Variants in OTOG observed in about 807,000 individuals in gnomAD.
OTOG encodes the protein otogelin.
OTOG carries 296 observed loss-of-function variants against 313.8 expected under a neutral mutation model. That is an observed-to-expected ratio of 0.94 (90% CI 0.86 to 1.04). The LOEUF is 1.04. Ranked by LOEUF, OTOG falls within the 50% of genes least tolerant of loss-of-function variation. The pLI is 0.00. For synonymous variants in OTOG, 1,533 were observed against 1,554.9 expected (o/e 0.99, Z 0.33); for missense variants, 3,948 against 3,840.1 (o/e 1.03, Z -0.74).
chr11:17,638,716 G>A (rs1261516397), intron 48 of OTOG, 167 bp downstream of exon 48: 2 of 1,540,056 alleles, frequency 1.3e-6, no homozygotes, highest in Non-Finnish European at 1.8e-6. Context: ...CGCACTCCAA[G>A]TGCTGAGCAT....
intron 23 of OTOG, 51 bp downstream of exon 23, chr11:17,578,577 A>G: frequency 6.7e-7 from 1 of 1,481,880 alleles, no homozygotes; most frequent in Non-Finnish European, 8.9e-7. Flanking sequence ...TGGCAGAACC[A>G]AGGGCCACAG....
At position 17,640,918 on chromosome 11, in the gene OTOG, G is replaced by T; in HGVS notation, c.8017G>T (p.Ala2673Ser). Residue 2673 changes from alanine to serine, a missense_variant, in exon 51 of 56, where the codon GCC becomes TCC. Ala to Ser is a moderately conservative substitution (Grantham distance 99). Transcript: ENST00000399397. ...CGCCCTGCATGCCCATCCAGTGAAG[G>T]CCCCGGTGTGTCTGAGCCGCGAGCT... is the stretch of plus-strand genomic sequence containing the variant. ...CGCAKYECVK[A>S]PVCLSRELGV... 1.3e-6 allele frequency: 2 copies of T among 1,548,430 alleles called. No individual in the cohort carries two copies. The highest frequency in any genetic ancestry group is 1.4e-5 in the African/African-American group (1 of 73,178).
In OTOG at chr11:17,633,670, G is replaced by T. The variant is rs1449071507; in HGVS notation, c.7073-10G>T. On this transcript the variant is annotated splice_polypyrimidine_tract_variant and intron_variant, in intron 42 of 55. Coordinates refer to ENST00000399397, the MANE Select transcript of OTOG (RefSeq NM_001292063.2). ...CTGAGGTAGGCCTGGTGCCCACTGT[G>T]CCCCTGCAGCCTTCCTGTGCTCCAG... 9 of 1,514,996 alleles carry T rather than the reference G, an allele frequency of 5.9e-6. No homozygotes were observed. The African/African-American group carries it at 1.2e-4, about 21-fold the overall frequency. The allele number at this position is 1,514,996 out of a possible 1,614,324, so 93.8% of individuals were successfully genotyped here.
At chr11:17,613,580 C>T in intron 38 of OTOG, 32 bp from the exon 39 acceptor site, 1 of 1,538,290 alleles carries the variant, frequency 6.5e-7, no homozygotes, top group Non-Finnish European at 8.8e-7. Flanking sequence ...GGACAGGGCT[C>T]CAAGTTGATG....
In OTOG at chr11:17,610,718, C is replaced by T; in HGVS notation, c.5418C>T (p.Thr1806=). The part of the protein sequence containing the change: ...SQLLSGLPPD[T]SLPLAKVGTS... ...TCCTCTCTGGCCTGCCTCCCGACAC[C>T]AGCCTGCCCCTGGCCAAGGTGGGCA... The change falls in exon 36 of 56, where the codon ACC becomes ACT. Residue 1806 remains threonine, a synonymous_variant. Transcript: ENST00000399397. 1 of 1,550,276 alleles carries T rather than the reference C, an allele frequency of 6.5e-7. No individual in the cohort carries two copies. The highest frequency in any genetic ancestry group is 8.7e-7 in the Non-Finnish European group (1 of 1,147,008).
chr11:17,602,793 C>T (rs1853286788), intron 32 of OTOG, among the ~76,000 whole-genome samples: 2 of 152,250 alleles, frequency 1.3e-5, no homozygotes, highest in South Asian at 2.1e-4. Flanking sequence ...GAGCCCTAAT[C>T]CCATGCCAAG....
chr11:17,562,045 AAAT>A (rs1475206297), intron 15 of OTOG, among the ~76,000 whole-genome samples: 47 of 120,206 alleles, frequency 3.9e-4, no homozygotes, highest in South Asian at 1.7e-3. Context: ...CCTAAAAAAA[AAAT>A]ATATATATAT....
chr11:17,588,140 A>G (rs932907222), intron 24 of OTOG, among the ~76,000 whole-genome samples: 1 of 152,224 alleles, frequency 6.6e-6, no homozygotes, highest in Admixed American at 6.5e-5. Flanking sequence ...CTGACTGGCC[A>G]TAGGGTGGAT....
chr11:17,566,967 T>C (rs1355311752), intron 15 of OTOG, among the ~76,000 whole-genome samples: 3 of 152,238 alleles, frequency 2.0e-5, no homozygotes, highest in African/African-American at 7.2e-5. Context: ...TGAAGTTCTG[T>C]GGGCTTTTGG....
At chr11:17,592,849 T>C (rs1268071337) in intron 25 of OTOG, among the ~76,000 whole-genome samples, 1 of 152,228 alleles carries the variant, frequency 6.6e-6, no homozygotes, top group Non-Finnish European at 1.5e-5. Flanking sequence ...AAATATTCAA[T>C]GCCAGCAAAT....
intron 32 of OTOG, among the ~76,000 whole-genome samples, chr11:17,603,094 G>T (rs1413167537): frequency 6.6e-6 from 1 of 152,154 alleles, no homozygotes; most frequent in Non-Finnish European, 1.5e-5. Context: ...GGAGGGGAAG[G>T]GACGTCCTGG....
In OTOG at chr11:17,597,076, C is replaced by T. The variant is rs186239361; in HGVS notation, c.3682+69C>T. The T allele has an allele frequency of 3.3e-6, 5 of 1,507,960 alleles. No homozygotes were observed. The Admixed American group carries it at 8.2e-5, about 25-fold the overall frequency. The allele number at this position is 1,507,960 out of a possible 1,614,324, so 93.4% of individuals were successfully genotyped here. A position where few individuals can be genotyped will look rare whatever the true frequency, so the allele number is the denominator to read the frequency against. On this transcript the variant is annotated intron_variant, in intron 30 of 55. Transcript: ENST00000399397. ...CACCTGTGGGCATGCCCTAGGGGTA[C>T]TGGCAGTCTGTCTAGCATTTACTGA...
rs947901984 is a variant in OTOG, at chr11:17,551,217, G to A, written c.217-783G>A. 2.6e-5 allele frequency among the ~76,000 whole-genome samples: 4 copies of A among 152,216 alleles called. No individual in the cohort carries two copies. The South Asian group carries it at 8.3e-4, about 32-fold the overall frequency. ...GGGAGGAGGAGCCAACTGTGCCCAG[G>A]ATGCCGGTTCCAGGTGACATTAGAC... On this transcript the variant is annotated intron_variant, in intron 3 of 55. Transcript: ENST00000399397.
rs949232524 is a variant in OTOG at position 17,574,710 on chromosome 11, C to A, written c.2294-10C>A. 8 of 1,547,986 alleles carry A rather than the reference C, an allele frequency of 5.2e-6. No homozygotes were observed. Among genetic ancestry groups the A allele is most frequent in the East Asian group, 2.5e-5 (1 of 40,734 alleles). ...GAGACAAAGCATGCACCACTCCCCC[C>A]TCACTGCAGCACTGTCCTGTGAGGC... On this transcript the variant is annotated splice_polypyrimidine_tract_variant and intron_variant, in intron 19 of 55. Coordinates refer to ENST00000399397, the MANE Select transcript of OTOG (RefSeq NM_001292063.2).
At chr11:17,590,877 C>T (rs1173913242) in intron 24 of OTOG, among the ~76,000 whole-genome samples, 2 of 152,222 alleles carry the variant, frequency 1.3e-5, no homozygotes, top group Non-Finnish European at 2.9e-5. Flanking sequence ...TATGTCTCTA[C>T]TCACACATGC....
intron 25 of OTOG, among the ~76,000 whole-genome samples, chr11:17,591,896 T>A (rs1473133832): frequency 6.6e-6 from 1 of 152,252 alleles, no homozygotes; most frequent in South Asian, 2.1e-4. Context: ...TAGGGGCATA[T>A]TGAGCCATAT....
At position 17,635,143 on chromosome 11, in the gene OTOG, T is replaced by C. The variant is rs1232015927; in HGVS notation, c.7649T>C (p.Ile2550Thr). ...VPSCRQDQIL[I>T]TGRLGDSCCT... ...AGCTGCCGACAGGACCAGATCCTGA[T>C]CACGGGCCGCCTGGGGGACTCCTGC... Residue 2550 changes from isoleucine to threonine, a missense_variant, in exon 46 of 56, where the codon ATC becomes ACC. Transcript: ENST00000399397. The C allele has an allele frequency of 6.5e-7, 1 of 1,548,760 alleles. No individual in the cohort carries two copies. Among genetic ancestry groups the C allele is most frequent in the Non-Finnish European group, 8.7e-7 (1 of 1,146,732 alleles).
intron 22 of OTOG, among the ~76,000 whole-genome samples, chr11:17,577,309 A>G (rs16934410): frequency 0.47 from 71,329 of 151,990 alleles, 17,563 homozygotes; most frequent in African/African-American, 0.62. Flanking sequence ...TCACAGAGGT[A>G]GGCAGGACAG....
intron 23 of OTOG, among the ~76,000 whole-genome samples, chr11:17,585,821 C>A (rs1337004285): frequency 6.6e-6 from 1 of 152,208 alleles, no homozygotes; most frequent in East Asian, 1.9e-4. Flanking sequence ...ACCTCTTTAA[C>A]CCATGTGCTT....
Sources: gnomAD v4.1 joint callset for allele counts (sites outside exome capture counted in the v4.1 genomes callset) on GRCh38, gnomAD v4.1.1 for gene constraint, MANE v1.5 for transcripts, NCBI Gene and HGNC (gene_info 2026-07-23, HGNC 2026-07-21) for gene names.